Variants in SLC25A12 observed in about 807,000 individuals in gnomAD.
SLC25A12 encodes electrogenic aspartate/glutamate antiporter SLC25A12, mitochondrial.
A neutral mutation model predicts 83.3 loss-of-function variants in SLC25A12; 32 were observed. That is an observed-to-expected ratio of 0.38 (90% CI 0.29 to 0.52). The LOEUF (loss-of-function observed/expected upper bound fraction) is 0.52, where lower values mean the gene tolerates loss of function less well. Among genes scored for constraint, SLC25A12 ranks in the 20% least tolerant of loss-of-function variants. The probability of loss-of-function intolerance (pLI) is 0.84; values close to 1 mark genes in which losing one functional copy is unlikely to be tolerated. For missense variants in SLC25A12, 611 were observed against 835.6 expected (o/e 0.73, Z 3.31); for synonymous variants, 267 against 291.1 (o/e 0.92, Z 0.84).
intron 2 of SLC25A12, among the ~76,000 whole-genome samples, chr2:171,888,740 G>C (rs943001565): frequency 1.1e-4 from 17 of 152,034 alleles, no homozygotes; most frequent in Non-Finnish European, 2.5e-4. Context: ...ACCACACCCG[G>C]CCATTTTATT....
chr2:171,877,409 G>C (rs182839114), intron 2 of SLC25A12, among the ~76,000 whole-genome samples: 1 of 152,094 alleles, frequency 6.6e-6, no homozygotes, highest in African/African-American at 2.4e-5. Context: ...GCTCACACCT[G>C]TAATCCCAGC....
chr2:171,792,456 TTTTC>T (rs758690334), intron 14 of SLC25A12, among the ~76,000 whole-genome samples: 3 of 151,204 alleles, frequency 2.0e-5, no homozygotes, highest in Non-Finnish European at 4.4e-5. Context: ...CCGGCTAATT[TTTTC>T]TTTCTTTTTT....
At chr2:171,811,565 C>G (rs538881701) in intron 11 of SLC25A12, among the ~76,000 whole-genome samples, 1 of 152,294 alleles carries the variant, frequency 6.6e-6, no homozygotes, top group South Asian at 2.1e-4. Flanking sequence ...TGTCAATCAT[C>G]TGACAGAATA....
chr2:171,789,334 T>G (rs1375505709), intron 15 of SLC25A12, among the ~76,000 whole-genome samples: 2 of 152,160 alleles, frequency 1.3e-5, no homozygotes, highest in African/African-American at 4.8e-5. Context: ...GTTCATGCCA[T>G]TCTCCTGCCT....
intron 11 of SLC25A12, among the ~76,000 whole-genome samples, chr2:171,813,115 A>C (rs1159781302): frequency 6.6e-6 from 1 of 152,200 alleles, no homozygotes; most frequent in Non-Finnish European, 1.5e-5. Context: ...ACACCAAGAA[A>C]TATAAACCAC....
Position 171,785,208 on chromosome 2 carries a change from T to C in SLC25A12, c.*66A>G. 6.9e-7 allele frequency: 1 copy of C among 1,459,812 alleles called. No individual in the cohort carries two copies. The highest frequency in any genetic ancestry group is 9.6e-7 in the Non-Finnish European group (1 of 1,041,758). 90.4% of individuals were successfully genotyped at this position (1,459,812 alleles called of 1,614,324 possible). A position where few individuals can be genotyped will look rare whatever the true frequency, so the allele number is the denominator to read the frequency against. ...GTACCATGCAGCTGACTGGATACAT[T>C]ACAGGGCTGCTCTCCTAGGCCTCTT... On this transcript the variant is annotated 3_prime_UTR_variant, in exon 18 of 18. Coordinates refer to ENST00000422440, the MANE Select transcript of SLC25A12 (RefSeq NM_003705.5).
At chr2:171,858,182 T>C (rs1195208589) in intron 3 of SLC25A12, among the ~76,000 whole-genome samples, 2 of 152,152 alleles carry the variant, frequency 1.3e-5, no homozygotes, top group African/African-American at 4.8e-5. Flanking sequence ...CATACAGATC[T>C]GCAGACTGGT....
At chr2:171,860,810 A>G (rs938435648) in intron 3 of SLC25A12, among the ~76,000 whole-genome samples, 2 of 151,724 alleles carry the variant, frequency 1.3e-5, no homozygotes, top group African/African-American at 2.4e-5. Context: ...GGCCAGGTAC[A>G]GTGGCTCACG....
chr2:171,848,192 T>A, intron 4 of SLC25A12: 1 of 471,084 alleles, frequency 2.1e-6, no homozygotes, highest in Non-Finnish European at 4.4e-6. Flanking sequence ...GGGCTGGCAC[T>A]CTTCTCCAAG....
chr2:171,793,196 C>T (rs1683521202), intron 14 of SLC25A12, among the ~76,000 whole-genome samples: 1 of 151,672 alleles, frequency 6.6e-6, no homozygotes, highest in South Asian at 2.1e-4. Flanking sequence ...TGAATCCTAC[C>T]AAACTCTACT....
intron 9 of SLC25A12, among the ~76,000 whole-genome samples, chr2:171,818,684 A>T (rs1361818338): frequency 6.6e-6 from 1 of 151,960 alleles, no homozygotes; most frequent in Non-Finnish European, 1.5e-5. Context: ...AAGTGGAAGG[A>T]TCACTTGAGC....
At chr2:171,811,929 G>A (rs1683953530) in intron 11 of SLC25A12, among the ~76,000 whole-genome samples, 1 of 151,944 alleles carries the variant, frequency 6.6e-6, no homozygotes, top group African/African-American at 2.4e-5. Context: ...AGATATCAAG[G>A]AAAAAAACAA....
At chr2:171,835,588 T>C (rs1684537213) in intron 6 of SLC25A12, among the ~76,000 whole-genome samples, 1 of 152,220 alleles carries the variant, frequency 6.6e-6, no homozygotes, top group Admixed American at 6.5e-5. Context: ...TGCTCACCAC[T>C]TGGACATAAA....
chr2:171,794,158 C>T (rs1246075484), intron 13 of SLC25A12, among the ~76,000 whole-genome samples: 3 of 152,212 alleles, frequency 2.0e-5, no homozygotes, highest in African/African-American at 7.2e-5. Flanking sequence ...TCATATTTTA[C>T]AAGCCAGAGC....
rs188944314 is a variant in SLC25A12, at chr2:171,884,421, C to A, written c.66+8784G>T. Among the ~76,000 whole-genome samples the A allele has an allele frequency of 2.7e-3, 405 of 149,952 alleles. 1 individual carries two copies. The highest frequency in any genetic ancestry group is 4.2e-3 in the Non-Finnish European group (282 of 67,434). On this transcript the variant is annotated intron_variant, in intron 2 of 17. Coordinates refer to ENST00000422440, the MANE Select transcript of SLC25A12 (RefSeq NM_003705.5). Reference sequence around the variant, plus strand: ...GTCCAGGCTGGTCTCGAACTCCTGACCTCGTGGTCTGCTCTGTGGGCTTTT... The same window carrying A: ...GTCCAGGCTGGTCTCGAACTCCTGAACTCGTGGTCTGCTCTGTGGGCTTTT...
Position 171,850,378 on chromosome 2 carries a change from C to T in SLC25A12, c.325+5456G>A, listed in dbSNP as rs549187797. On this transcript the variant is annotated intron_variant, in intron 4 of 17. Transcript: ENST00000422440. The stretch of plus-strand genomic sequence containing the variant: ...TTTTTTTTTTTGAGATGGAGTCTTG[C>T]TCTGTCGCCCAGGCTGCAGTGCAGT... Among the ~76,000 whole-genome samples the T allele has an allele frequency of 2.5e-5, 3 of 118,832 alleles. No individual in the cohort carries two copies. In the Admixed American group the frequency reaches 3.4e-4, roughly 13 times the overall value. 78.0% of individuals were successfully genotyped at this position (118,832 alleles called of 152,430 possible).
At chr2:171,856,872 T>C (rs1011835085) in intron 3 of SLC25A12, among the ~76,000 whole-genome samples, 2 of 152,212 alleles carry the variant, frequency 1.3e-5, no homozygotes, top group African/African-American at 4.8e-5. Flanking sequence ...TTGGTTGTTG[T>C]TAAGCATTAT....
At chr2:171,819,474 AAT>A (rs1441568155) in intron 9 of SLC25A12, among the ~76,000 whole-genome samples, 2 of 135,604 alleles carry the variant, frequency 1.5e-5, no homozygotes, top group African/African-American at 2.7e-5. Context: ...TATATATATT[AAT>A]ATATATATAA....
intron 2 of SLC25A12, among the ~76,000 whole-genome samples, chr2:171,876,145 T>C (rs1337221045): frequency 2.0e-5 from 3 of 152,154 alleles, no homozygotes; most frequent in Non-Finnish European, 4.4e-5. Flanking sequence ...TCTGGGGTTA[T>C]AAATGATGCC....
Sources: gnomAD v4.1 joint callset for allele counts (sites outside exome capture counted in the v4.1 genomes callset) on GRCh38, gnomAD v4.1.1 for gene constraint, MANE v1.5 for transcripts, NCBI Gene and HGNC (gene_info 2026-07-23, HGNC 2026-07-21) for gene names.